TLL1: variants seen among roughly 807,000 people sequenced by gnomAD.
TLL1 encodes tolloid-like protein 1.
TLL1 carries 49 observed loss-of-function variants against 128.2 expected under a neutral mutation model. The ratio of observed to expected loss-of-function variants is 0.38; its 90% CI spans 0.30 to 0.48. The LOEUF is 0.48. Among genes scored for constraint, TLL1 ranks in the 20% least tolerant of loss-of-function variants. The pLI is 0.96. For missense variants in TLL1, 1,123 were observed against 1,242.0 expected, an observed-to-expected ratio of 0.90 and a Z score of 1.44; for synonymous variants, 454 against 418.8, an observed-to-expected ratio of 1.08 and a Z score of -1.03.
At chr4:166,071,529 T>G (rs1243553203) in intron 16 of TLL1, among the ~76,000 whole-genome samples, 1 of 152,004 alleles carries the variant, frequency 6.6e-6, no homozygotes, top group Non-Finnish European at 1.5e-5. Context: ...GTGTCTAGTG[T>G]ATGAAAATGC....
At chr4:165,956,197 G>T (rs1734782096) in intron 1 of TLL1, among the ~76,000 whole-genome samples, 1 of 152,034 alleles carries the variant, frequency 6.6e-6, no homozygotes. Context: ...TACTGATAAG[G>T]GTCTCTGTTC....
intron 19 of TLL1, among the ~76,000 whole-genome samples, chr4:166,093,297 A>G (rs1560867037): frequency 6.6e-6 from 1 of 152,124 alleles, no homozygotes; most frequent in Non-Finnish European, 1.5e-5. Context: ...GAGCAGGGTG[A>G]TAATAGGGAG....
chr4:166,099,954 G>A (rs78202921), intron 20 of TLL1, among the ~76,000 whole-genome samples: 2,943 of 152,186 alleles, frequency 0.019, 80 homozygotes, highest in African/African-American at 0.066. Context: ...TATATTTGGA[G>A]GCGGTGGCAG....
At chr4:166,062,763 G>C (rs1740383745) in intron 15 of TLL1, among the ~76,000 whole-genome samples, 1 of 152,142 alleles carries the variant, frequency 6.6e-6, no homozygotes, top group African/African-American at 2.4e-5. Flanking sequence ...ATGTTGAATA[G>C]GAGTGGTGAG....
chr4:165,994,596 T>G lies in TLL1; in HGVS notation c.514+63T>G, dbSNP rs1406339155. The G allele has an allele frequency of 1.3e-5, 20 of 1,574,718 alleles. No individual in the cohort carries two copies. In the Admixed American group the frequency reaches 3.4e-4, roughly 27 times the overall value. On this transcript the variant is annotated intron_variant, in intron 4 of 20. Transcript: ENST00000061240. ...TAAAAACTATCATACAGATTAAGTG[T>G]CTATTTTTATAGAATATTAACATAA...
At chr4:165,901,138 T>C (rs1221685851) in intron 1 of TLL1, among the ~76,000 whole-genome samples, 1 of 152,144 alleles carries the variant, frequency 6.6e-6, no homozygotes, top group Admixed American at 6.5e-5. Flanking sequence ...ACAATTCCTC[T>C]AAACTTTTTT....
chr4:165,902,599 C>T (rs1362515281), intron 1 of TLL1, among the ~76,000 whole-genome samples: 3 of 152,140 alleles, frequency 2.0e-5, no homozygotes, highest in South Asian at 2.1e-4. Context: ...GCTTGCCTTC[C>T]GTGGGCTGCA....
intron 7 of TLL1, among the ~76,000 whole-genome samples, chr4:166,012,517 A>C (rs186421581): frequency 5.0e-4 from 76 of 151,710 alleles, no homozygotes; most frequent in Non-Finnish European, 5.9e-4. Context: ...AGAGGCCACA[A>C]ATTTGTTTTT....
chr4:166,049,353 C>T (rs1739609079), intron 12 of TLL1, among the ~76,000 whole-genome samples: 1 of 152,132 alleles, frequency 6.6e-6, no homozygotes, highest in South Asian at 2.1e-4. Context: ...CAAATCTTTC[C>T]TTTTGTAACT....
chr4:166,029,665 C>G (rs889563940), intron 9 of TLL1, among the ~76,000 whole-genome samples: 3 of 152,006 alleles, frequency 2.0e-5, no homozygotes, highest in Non-Finnish European at 4.4e-5. Context: ...CAACAAATCC[C>G]TTTTCCTTCC....
intron 1 of TLL1, among the ~76,000 whole-genome samples, chr4:165,933,718 A>G (rs1733636505): frequency 1.3e-5 from 2 of 152,034 alleles, no homozygotes; most frequent in Admixed American, 1.3e-4. Context: ...TTTTATTCTG[A>G]CAGGACCACA....
intron 1 of TLL1, among the ~76,000 whole-genome samples, chr4:165,898,872 T>G (rs1316285176): frequency 6.6e-6 from 1 of 152,240 alleles, no homozygotes; most frequent in Non-Finnish European, 1.5e-5. Context: ...CTTTTTTTGG[T>G]TGGCAGCCTA....
chr4:166,089,693 G>T (rs1741673804), intron 18 of TLL1, among the ~76,000 whole-genome samples: 1 of 152,042 alleles, frequency 6.6e-6, no homozygotes, highest in African/African-American at 2.4e-5. Flanking sequence ...CAGTATCTTT[G>T]ATCAAATGAA....
intron 12 of TLL1, among the ~76,000 whole-genome samples, 180 bp downstream of exon 12, chr4:166,043,599 G>C (rs150720122): frequency 6.6e-6 from 1 of 152,118 alleles, no homozygotes; most frequent in African/African-American, 2.4e-5. Flanking sequence ...TTCTTTCCTC[G>C]TTTGGAGACG....
At chr4:166,072,357 T>C (rs2111133786) in intron 16 of TLL1, among the ~76,000 whole-genome samples, 1 of 152,032 alleles carries the variant, frequency 6.6e-6, no homozygotes, top group African/African-American at 2.4e-5. Flanking sequence ...TCTTCTTCCC[T>C]TTCTTATACT....
intron 1 of TLL1, chr4:165,919,841 A>T (rs1372626472): frequency 2.2e-6 from 1 of 455,920 alleles, no homozygotes; most frequent in East Asian, 6.9e-5. Context: ...CAGACTGACC[A>T]CTGCTCTAAG....
intron 1 of TLL1, among the ~76,000 whole-genome samples, chr4:165,941,238 A>G (rs1733992150): frequency 6.6e-6 from 1 of 152,096 alleles, no homozygotes; most frequent in Admixed American, 6.6e-5. Flanking sequence ...CTGTGTGATG[A>G]TGCAGAGATG....
intron 12 of TLL1, among the ~76,000 whole-genome samples, chr4:166,046,084 G>A (rs1454999775): frequency 6.6e-6 from 1 of 152,064 alleles, no homozygotes; most frequent in Non-Finnish European, 1.5e-5. Flanking sequence ...TGATCATTTT[G>A]TTAGGATTTT....
chr4:165,891,317 A>C (rs960596472), intron 1 of TLL1, among the ~76,000 whole-genome samples: 3 of 150,968 alleles, frequency 2.0e-5, no homozygotes, highest in African/African-American at 7.3e-5. Context: ...CAGCTGGATG[A>C]ATTTCTCCTC....
Sources: allele counts gnomAD v4.1 joint callset (sites outside exome capture counted in the v4.1 genomes callset), GRCh38; gene constraint gnomAD v4.1.1; transcripts MANE v1.5; gene names NCBI Gene and HGNC (gene_info 2026-07-23, HGNC 2026-07-21).